The following VAV1 variants were observed in gnomAD, a reference collection of about 807,000 sequenced individuals.
VAV1 encodes proto-oncogene vav.
Under a neutral mutation model 128.1 loss-of-function variants are expected in VAV1, and 33 were observed. The observed-to-expected ratio is 0.26, with a 90% CI of 0.20 to 0.34. The LOEUF (loss-of-function observed/expected upper bound fraction) is 0.34, where lower values mean the gene tolerates loss of function less well. Among genes scored for constraint, VAV1 ranks in the 10% least tolerant of loss-of-function variants. The probability of loss-of-function intolerance (pLI) is 1.00; values close to 1 mark genes in which losing one functional copy is unlikely to be tolerated. For missense variants in VAV1, 715 were observed against 1,093.7 expected (o/e 0.65, Z 4.88); for synonymous variants, 394 against 409.8 (o/e 0.96, Z 0.47).
At chr19:6,823,088 A>C (rs899443164) in intron 6 of VAV1, among the ~76,000 whole-genome samples, 1 of 148,526 alleles carries the variant, frequency 6.7e-6, no homozygotes, top group African/African-American at 2.5e-5. Flanking sequence ...ATACCTTTAT[A>C]TATCTTATAT....
chr19:6,845,859 A>G (rs1208274762), intron 22 of VAV1, among the ~76,000 whole-genome samples: 3 of 148,044 alleles, frequency 2.0e-5, no homozygotes, highest in African/African-American at 7.3e-5. Context: ...CACATATTAT[A>G]CCATATATCA....
At chr19:6,850,225 GTT>G (rs760967154) in intron 23 of VAV1, among the ~76,000 whole-genome samples, 5,757 of 48,912 alleles carry the variant, frequency 0.12, 227 homozygotes, top group African/African-American at 0.24. Flanking sequence ...TTGTTTCTTT[GTT>G]TTTTTTTTTT....
rs1458915412 is a variant in VAV1 at position 6,817,975 on chromosome 19, C to G, written c.205-2727C>G. ...TGCTGGGATTACAGGCATGAGCCAC[C>G]ACGCCCAGCCTTAAATTTGTTTTTG... On this transcript the variant is annotated intron_variant, in intron 1 of 26. Coordinates refer to ENST00000602142, the MANE Select transcript of VAV1 (RefSeq NM_005428.4). Among the ~76,000 whole-genome samples, 3 of 152,262 alleles carry G rather than the reference C, an allele frequency of 2.0e-5. No homozygotes were observed. The South Asian group carries it at 6.2e-4, about 32-fold the overall frequency.
intron 1 of VAV1, among the ~76,000 whole-genome samples, chr19:6,780,573 C>CTTT (rs34155628): frequency 7.8e-6 from 1 of 128,922 alleles, no homozygotes; most frequent in Non-Finnish European, 1.7e-5. Context: ...TTTCTTTTTT[C>CTTT]TTTTTTTTTT....
At position 6,772,953 on chromosome 19, in the gene VAV1, A is replaced by C. The variant is rs1371201347; in HGVS notation, c.146A>C (p.Asn49Thr). Residue 49 changes from asparagine (N) to threonine (T), a missense_variant, in exon 1 of 27, where the codon AAC becomes ACC. Asn to Thr is a moderately conservative substitution (Grantham distance 65). Coordinates refer to ENST00000602142, the MANE Select transcript of VAV1 (RefSeq NM_005428.4). This position sits in a 1 kb window ranked among gnomAD's most constrained non-coding sequence, Gnocchi z 4.8. ...DGVLLCQLLNNLLPHAINLRE... is the reference protein window; with the variant it reads ...DGVLLCQLLNTLLPHAINLRE... ...GTCCTTCTGTGTCAGCTGCTTAACA[A>C]CCTGCTACCCCATGCCATCAACCTG... is the stretch of plus-strand genomic sequence containing the variant. 6.2e-7 allele frequency: 1 copy of C among 1,613,846 alleles called. No homozygotes were observed. The highest frequency in any genetic ancestry group is 8.5e-7 in the Non-Finnish European group (1 of 1,179,980).
intron 21 of VAV1, 67 bp downstream of exon 21, chr19:6,837,117 G>A (rs933263521): frequency 1.3e-6 from 2 of 1,517,932 alleles, no homozygotes; most frequent in Non-Finnish European, 1.8e-6. Flanking sequence ...AGGATGGACA[G>A]ACTTGGAAAG....
At chr19:6,851,543 T>C (rs1160130601) in intron 24 of VAV1, among the ~76,000 whole-genome samples, 1 of 152,078 alleles carries the variant, frequency 6.6e-6, no homozygotes, top group African/African-American at 2.4e-5. Context: ...GAGTTCCCAT[T>C]TCACAGATGG....
intron 1 of VAV1, among the ~76,000 whole-genome samples, chr19:6,774,627 G>A (rs1292930705): frequency 6.6e-6 from 1 of 150,390 alleles, no homozygotes; most frequent in Non-Finnish European, 1.5e-5. Flanking sequence ...TAGAGACAGG[G>A]TTTCACTATG....
chr19:6,822,606 G>A lies in VAV1; in HGVS notation c.654+92G>A. 8.8e-7 allele frequency: 1 copy of A among 1,134,582 alleles called. No individual in the cohort carries two copies. The highest frequency in any genetic ancestry group is 1.2e-6 in the Non-Finnish European group (1 of 801,920). 70.3% of individuals were successfully genotyped at this position (1,134,582 alleles called of 1,614,324 possible). A position where few individuals can be genotyped will look rare whatever the true frequency, so the allele number is the denominator to read the frequency against. ...ACCTGTCCGGCCGCTCTGGGCAGCT[G>A]AGGATTTCCTGCTCCCATCGCTTTT... is the stretch of plus-strand genomic sequence containing the variant. On this transcript the variant is annotated intron_variant, in intron 6 of 26. Coordinates refer to ENST00000602142, the MANE Select transcript of VAV1 (RefSeq NM_005428.4). This position sits in a 1 kb window ranked among gnomAD's most constrained non-coding sequence, Gnocchi z 5.9.
At chr19:6,792,960 A>G (rs1971048382) in intron 1 of VAV1, among the ~76,000 whole-genome samples, 1 of 152,138 alleles carries the variant, frequency 6.6e-6, no homozygotes, top group South Asian at 2.1e-4. Flanking sequence ...TGCTAGGCAC[A>G]TGGACTCCAG....
chr19:6,831,349 G>T (rs1685936077), intron 14 of VAV1, among the ~76,000 whole-genome samples: 1 of 152,032 alleles, frequency 6.6e-6, no homozygotes, highest in South Asian at 2.1e-4. Flanking sequence ...GCCTCGCTCT[G>T]TCACCAGGCT....
Position 6,851,865 on chromosome 19 carries a change from C to T in VAV1, c.2218-1100C>T, listed in dbSNP as rs566563400. Among the ~76,000 whole-genome samples, 4 of 152,206 alleles carry T rather than the reference C, an allele frequency of 2.6e-5. No individual in the cohort carries two copies. The East Asian group carries it at 7.7e-4, about 29-fold the overall frequency. ...TTGATTCTCAAATGGATCCTTGACTCCCCCAAAGTTTAATTTATTCAACAA... is the reference window on the plus strand; with the variant it reads ...TTGATTCTCAAATGGATCCTTGACTTCCCCAAAGTTTAATTTATTCAACAA... On this transcript the variant is annotated intron_variant, in intron 24 of 26. Coordinates refer to ENST00000602142, the MANE Select transcript of VAV1 (RefSeq NM_005428.4).
chr19:6,781,568 A>G (rs764628921), intron 1 of VAV1, among the ~76,000 whole-genome samples: 2 of 148,012 alleles, frequency 1.4e-5, no homozygotes, highest in Admixed American at 1.3e-4. Context: ...CTTGCTTACT[A>G]TTGTTGCACT....
At chr19:6,794,601 G>A (rs1971090126) in intron 1 of VAV1, among the ~76,000 whole-genome samples, 1 of 152,188 alleles carries the variant, frequency 6.6e-6, no homozygotes. Context: ...GTCATGAATA[G>A]CAACAAAAGC....
At chr19:6,836,858 ACACACACACACACACACACACG>A (rs1362981994) in intron 20 of VAV1, 105 bp from the exon 21 acceptor site, 4 of 197,082 alleles carry the variant, frequency 2.0e-5, no homozygotes, top group Middle Eastern at 7.9e-4. Context: ...ACACACACAC[ACACACACACACACACACACACG>A]AGTGATGGGG....
At chr19:6,821,717 A>T (rs1214843396) in intron 3 of VAV1, 37 bp downstream of exon 3, 3 of 1,614,010 alleles carry the variant, frequency 1.9e-6, no homozygotes, top group South Asian at 1.1e-5. Context: ...ATTTAGCCCC[A>T]GTCCTCCCCC....
At chr19:6,838,362 T>C (rs1972281208) in intron 21 of VAV1, among the ~76,000 whole-genome samples, 2 of 151,128 alleles carry the variant, frequency 1.3e-5, no homozygotes, top group Admixed American at 6.7e-5. Context: ...TACCTACCCA[T>C]CAATCCATCC....
At chr19:6,817,946 A>G (rs1337117335) in intron 1 of VAV1, among the ~76,000 whole-genome samples, 4 of 152,136 alleles carry the variant, frequency 2.6e-5, no homozygotes, top group Non-Finnish European at 4.4e-5. Context: ...TCGGCCTCCC[A>G]AAGTGCTGGG....
intron 1 of VAV1, chr19:6,784,016 G>A (rs1440888267): frequency 1.3e-5 from 5 of 396,414 alleles, no homozygotes; most frequent in African/African-American, 8.2e-5. Flanking sequence ...CACTTTGAGA[G>A]GCCGAGACAG....
Sources: allele counts gnomAD v4.1 joint callset (sites outside exome capture counted in the v4.1 genomes callset), GRCh38; gene constraint gnomAD v4.1.1; non-coding constraint Gnocchi (gnomAD v3.1); transcripts MANE v1.5; gene names NCBI Gene and HGNC (gene_info 2026-07-23, HGNC 2026-07-21).